The following DACH2 variants were observed in gnomAD, a reference collection of about 807,000 sequenced individuals.
DACH2 encodes the protein dachshund homolog 2.
In DACH2, 17 loss-of-function variants were observed where a neutral mutation model predicts 35.8. The ratio of observed to expected loss-of-function variants is 0.48; its 90% CI spans 0.33 to 0.71. The LOEUF (loss-of-function observed/expected upper bound fraction) is 0.71, where lower values mean the gene tolerates loss of function less well. Ranked by LOEUF, DACH2 falls within the 30% of genes least tolerant of loss-of-function variation. DACH2 has a pLI of 0.02. For synonymous variants in DACH2, 195 were observed against 177.3 expected, an observed-to-expected ratio of 1.10 and a Z score of -0.79; for missense variants, 469 against 472.7, an observed-to-expected ratio of 0.99 and a Z score of 0.07.
intron 5 of DACH2, among the ~76,000 whole-genome samples, chrX:86,708,876 A>G (rs1267296596): frequency 1.8e-5 from 2 of 111,652 alleles, no homozygotes; most frequent in African/African-American, 6.5e-5. Flanking sequence ...TAGAAGGACT[A>G]CTGCAGAACT....
At chrX:86,681,609 CTATA>C (rs57331012) in intron 4 of DACH2, among the ~76,000 whole-genome samples, 2 of 98,875 alleles carry the variant, frequency 2.0e-5, no homozygotes, top group Non-Finnish European at 4.0e-5. Flanking sequence ...CTCTCTCTCT[CTATA>C]TATATATATA....
chrX:86,625,209 AGTGTGT>A (rs72281959), intron 3 of DACH2, among the ~76,000 whole-genome samples: 1,501 of 85,459 alleles, frequency 0.018, 13 homozygotes, highest in Middle Eastern at 0.045. Flanking sequence ...AAACCTTCTT[AGTGTGT>A]GTGTGTGTGT....
Position 86,651,150 on chromosome X carries a change from A to G in DACH2, c.755A>G (p.Asp252Gly), listed in dbSNP as rs1401817637. Residue 252 changes from aspartate (D) to glycine (G), a missense_variant, in exon 4 of 12, where the codon GAT (aspartate) becomes GGT (glycine). Physicochemically the swap from Asp to Gly is moderately conservative, Grantham distance 94. Transcript: ENST00000373125. ...AATGGGACCGAATCAGAGCCTGATG[A>G]TCTTAATTCTAACACAGGTGAGTGT... Reference protein sequence around the residue: ...SQNGTESEPDDLNSNTGGSES... With the variant: ...SQNGTESEPDGLNSNTGGSES... The G allele has an allele frequency of 8.3e-7, 1 of 1,207,095 alleles. No individual in the cohort carries two copies. The highest frequency in any genetic ancestry group is 1.8e-5 in the African/African-American group (1 of 56,956).
intron 7 of DACH2, among the ~76,000 whole-genome samples, chrX:86,787,966 A>G (rs1428519095): frequency 9.0e-6 from 1 of 111,250 alleles, no homozygotes; most frequent in African/African-American, 3.3e-5. Context: ...GGGCAACTTG[A>G]GAGATTCGAG....
intron 5 of DACH2, among the ~76,000 whole-genome samples, chrX:86,698,806 G>A (rs1047682091): frequency 9.1e-6 from 1 of 109,674 alleles, no homozygotes; most frequent in Non-Finnish European, 1.9e-5. Context: ...AGAGTGCTGG[G>A]AATACAGGCA....
chrX:86,540,397 C>G (rs2038863961), intron 3 of DACH2, among the ~76,000 whole-genome samples: 2 of 112,084 alleles, frequency 1.8e-5, no homozygotes, highest in South Asian at 7.3e-4. Context: ...CTACAACCAT[C>G]ATGCCAAAAA....
At position 86,813,178 on chromosome X, in the gene DACH2, A is replaced by C. The variant is rs2042411221; in HGVS notation, c.1438A>C (p.Ile480Leu). The C allele has an allele frequency of 1.7e-6, 2 of 1,206,018 alleles. No individual in the cohort carries two copies. Among genetic ancestry groups the C allele is most frequent in the Non-Finnish European group, 2.2e-6 (2 of 893,712 alleles). ...TAATGCTCGCATCCAGGAGAAGCAG[A>C]TTCAACAAGAAAAGAAGGAGCTGCG... is the stretch of plus-strand genomic sequence containing the variant. ...LDNARIQEKQIQQEKKELRLE... is the reference protein window; with the variant it reads ...LDNARIQEKQLQQEKKELRLE... The change falls in exon 9 of 12, where the codon ATT (isoleucine) becomes CTT (leucine). Residue 480 changes from isoleucine (I) to leucine (L), a missense_variant. Coordinates refer to ENST00000373125, the MANE Select transcript of DACH2 (RefSeq NM_053281.3).
rs2031828899 is a variant in DACH2, at chrX:86,191,325, C to A, written c.488+42217C>A. On this transcript the variant is annotated intron_variant, in intron 1 of 11. Coordinates refer to ENST00000373125, the MANE Select transcript of DACH2 (RefSeq NM_053281.3). ...AAAATGAACAAGACCATGTCCTTTG[C>A]AGCAACATGATGAAGCTGGAGGCCA... is the stretch of plus-strand genomic sequence containing the variant. Among the ~76,000 whole-genome samples, 3 of 111,848 alleles carry A rather than the reference C, an allele frequency of 2.7e-5. No individual in the cohort carries two copies. In the South Asian group the frequency reaches 1.1e-3, roughly 42 times the overall value.
At chrX:86,675,825 T>C (rs1324353871) in intron 4 of DACH2, among the ~76,000 whole-genome samples, 1 of 111,980 alleles carries the variant, frequency 8.9e-6, no homozygotes, top group East Asian at 2.8e-4. Context: ...ATCAAACTTG[T>C]TTGTATTGCA....
rs755343594 is a variant in DACH2, at chrX:86,819,997, T to C, written c.1750+3898T>C. Among the ~76,000 whole-genome samples the C allele has an allele frequency of 4.5e-5, 5 of 111,894 alleles. No individual in the cohort carries two copies. In the South Asian group the frequency reaches 1.8e-3, roughly 41 times the overall value. On this transcript the variant is annotated intron_variant, in intron 11 of 11. Coordinates refer to ENST00000373125, the MANE Select transcript of DACH2 (RefSeq NM_053281.3). ...AAATTTAAAAAAAATGAAGTTAACA[T>C]CTTAATAACAATAGGTAAAACAAAA...
At chrX:86,450,170 G>A (rs899588896) in intron 2 of DACH2, among the ~76,000 whole-genome samples, 8 of 110,327 alleles carry the variant, frequency 7.3e-5, no homozygotes, top group African/African-American at 2.6e-4. Context: ...TCATTCCATC[G>A]CCTAGGTATT....
chrX:86,300,941 A>G (rs969257318), intron 1 of DACH2, among the ~76,000 whole-genome samples: 2 of 112,330 alleles, frequency 1.8e-5, no homozygotes, highest in African/African-American at 6.5e-5. Flanking sequence ...CTGAAGCAGT[A>G]CAAAGGTTAT....
At chrX:86,204,346 C>T (rs2032230955) in intron 1 of DACH2, among the ~76,000 whole-genome samples, 2 of 111,985 alleles carry the variant, frequency 1.8e-5, no homozygotes, top group African/African-American at 6.5e-5. Flanking sequence ...AGAAATGATA[C>T]TGTTTCTGTA....
At chrX:86,695,922 T>A (rs1186010615) in intron 5 of DACH2, among the ~76,000 whole-genome samples, 1 of 111,302 alleles carries the variant, frequency 9.0e-6, no homozygotes, top group African/African-American at 3.3e-5. Context: ...CCACTTAAGG[T>A]TACCGTGAGA....
At chrX:86,264,051 ATCT>A (rs2033670808) in intron 1 of DACH2, among the ~76,000 whole-genome samples, 1 of 111,860 alleles carries the variant, frequency 8.9e-6, no homozygotes, top group Admixed American at 9.6e-5. Flanking sequence ...AACCTAAGGA[ATCT>A]TCTTCTACAT....
At chrX:86,204,086 G>C (rs2032223834) in intron 1 of DACH2, among the ~76,000 whole-genome samples, 1 of 111,560 alleles carries the variant, frequency 9.0e-6, no homozygotes, top group South Asian at 3.7e-4. Flanking sequence ...AGTATAAAAA[G>C]TATCTGTCCT....
At chrX:86,449,837 A>G (rs1166164855) in intron 2 of DACH2, among the ~76,000 whole-genome samples, 2 of 111,687 alleles carry the variant, frequency 1.8e-5, no homozygotes, top group Admixed American at 9.6e-5. Context: ...TATACTGCAT[A>G]TATTTTAACA....
intron 1 of DACH2, among the ~76,000 whole-genome samples, chrX:86,218,031 A>G (rs1424271098): frequency 9.0e-6 from 1 of 111,679 alleles, no homozygotes; most frequent in African/African-American, 3.3e-5. Flanking sequence ...CACTTGCTCT[A>G]TCTTTATCAC....
chrX:86,185,246 C>T (rs181426737), intron 1 of DACH2, among the ~76,000 whole-genome samples: 7 of 111,786 alleles, frequency 6.3e-5, no homozygotes, highest in African/African-American at 9.7e-5. Context: ...AACTTGCATA[C>T]GTCAAATCTT....
Sources: gnomAD v4.1 joint callset for allele counts (sites outside exome capture counted in the v4.1 genomes callset) on GRCh38, gnomAD v4.1.1 for gene constraint, MANE v1.5 for transcripts, NCBI Gene and HGNC (gene_info 2026-07-23, HGNC 2026-07-21) for gene names.